SMCO2: variants seen among roughly 807,000 people sequenced by gnomAD.
SMCO2 encodes the protein single-pass membrane and coiled-coil domain-containing protein 2.
In SMCO2, 25 loss-of-function variants were observed where a neutral mutation model predicts 29.5. The observed-to-expected ratio is 0.85, with a 90% CI of 0.62 to 1.18. SMCO2 has a LOEUF of 1.18. Ranked by LOEUF, SMCO2 falls within the 50% of genes most tolerant of loss-of-function variation. SMCO2 has a pLI of 0.00. For missense variants in SMCO2, 348 were observed against 344.5 expected (o/e 1.01, Z -0.08); for synonymous variants, 117 against 123.3 (o/e 0.95, Z 0.34).
intron 1 of SMCO2, among the ~76,000 whole-genome samples, chr12:27,467,787 T>C (rs1005089394): frequency 1.3e-5 from 2 of 152,170 alleles, no homozygotes; most frequent in Non-Finnish European, 2.9e-5. Context: ...TGTGTTCCAG[T>C]TTCTTCCTCT....
upstream of SMCO2, among the ~76,000 whole-genome samples, chr12:27,462,568 T>C (rs1949466880): frequency 6.6e-6 from 1 of 152,198 alleles, no homozygotes; most frequent in South Asian, 2.1e-4. Context: ...ATAAAGCCAC[T>C]GCATACCTAC....
chr12:27,491,987 G>T (rs558746827), intron 5 of SMCO2, among the ~76,000 whole-genome samples: 7 of 152,186 alleles, frequency 4.6e-5, no homozygotes, highest in Admixed American at 6.5e-5. Context: ...GGGATGACAG[G>T]CATGAGCCAC....
At chr12:27,501,111 C>G (rs2135585048) in intron 7 of SMCO2, among the ~76,000 whole-genome samples, 1 of 150,556 alleles carries the variant, frequency 6.6e-6, no homozygotes, top group South Asian at 2.1e-4. Context: ...GATGGGTCCT[C>G]AAGGATTTAA....
intron 4 of SMCO2, among the ~76,000 whole-genome samples, chr12:27,482,613 A>G (rs1565678560): frequency 1.3e-5 from 2 of 152,230 alleles, no homozygotes; most frequent in Non-Finnish European, 2.9e-5. Context: ...CCCATGGATT[A>G]TTTAAAGTAT....
chr12:27,479,415 G>A (rs981047696), intron 4 of SMCO2, among the ~76,000 whole-genome samples: 1 of 152,202 alleles, frequency 6.6e-6, no homozygotes, highest in African/African-American at 2.4e-5. Flanking sequence ...GTGTGCAGCT[G>A]CAAGGCAGCC....
intron 6 of SMCO2, among the ~76,000 whole-genome samples, chr12:27,494,658 C>T (rs1378931475): frequency 1.3e-5 from 2 of 152,064 alleles, no homozygotes; most frequent in East Asian, 3.9e-4. Context: ...CCTCCCCTTG[C>T]CCTGCACCCC....
chr12:27,430,424 C>T, the SMCO2 span, among the ~76,000 whole-genome samples: 1 of 152,080 alleles, frequency 6.6e-6, no homozygotes, highest in Non-Finnish European at 1.5e-5. Flanking sequence ...CTTTTTCTGA[C>T]TTTAACATTT....
At chr12:27,483,438 G>A (rs944070847) in intron 4 of SMCO2, among the ~76,000 whole-genome samples, 2 of 149,770 alleles carry the variant, frequency 1.3e-5, no homozygotes, top group Non-Finnish European at 3.0e-5. Context: ...TTTCTTTTTC[G>A]AGACAGTCTT....
the SMCO2 span, among the ~76,000 whole-genome samples, chr12:27,436,723 C>T: frequency 2.6e-5 from 4 of 152,292 alleles, no homozygotes; most frequent in East Asian, 1.9e-4. Context: ...AGGAAAGCTC[C>T]GTCCACTGAC....
chr12:27,431,952 G>A, the SMCO2 span, among the ~76,000 whole-genome samples: 1 of 151,990 alleles, frequency 6.6e-6, no homozygotes, highest in Non-Finnish European at 1.5e-5. Context: ...CTATTATTCT[G>A]TTTATTGGAT....
chr12:27,494,750 T>G (rs1337703741), intron 6 of SMCO2, among the ~76,000 whole-genome samples: 1 of 152,028 alleles, frequency 6.6e-6, no homozygotes, highest in Non-Finnish European at 1.5e-5. Flanking sequence ...AGTGTGAACA[T>G]GCAGTGTTTG....
intron 7 of SMCO2, among the ~76,000 whole-genome samples, chr12:27,496,390 A>T (rs12423935): frequency 3.3e-5 from 5 of 150,462 alleles, no homozygotes; most frequent in Non-Finnish European, 5.9e-5. Flanking sequence ...ATATCTATAG[A>T]TGTATCTATA....
At position 27,476,405 on chromosome 12, in the gene SMCO2, G is replaced by A. The variant is rs192127037; in HGVS notation, c.362+1492G>A. On this transcript the variant is annotated intron_variant, in intron 4 of 7. Coordinates refer to ENST00000298876, the Ensembl canonical transcript of SMCO2. Reference sequence around the variant, plus strand: ...GTCCAAAGTGCAGTTTAAATCCAATGTTCCTTTGTTAATTTTTTGCCTAGA... The same window carrying A: ...GTCCAAAGTGCAGTTTAAATCCAATATTCCTTTGTTAATTTTTTGCCTAGA... Among the ~76,000 whole-genome samples, 322 of 152,244 alleles carry A rather than the reference G, an allele frequency of 2.1e-3. 1 individual carries two copies. Among genetic ancestry groups the A allele is most frequent in the African/African-American group, 7.2e-3 (301 of 41,550 alleles).
intron 5 of SMCO2, chr12:27,493,688 T>C (rs776413034): frequency 2.6e-5 from 4 of 152,230 alleles, no homozygotes; most frequent in Non-Finnish European, 4.4e-5. Context: ...CATTCTTTAC[T>C]TGTGACACGT....
chr12:27,456,499 G>T, the SMCO2 span, among the ~76,000 whole-genome samples: 116 of 152,266 alleles, frequency 7.6e-4, 1 homozygote, highest in African/African-American at 2.6e-3. Context: ...GCCCAGGCTG[G>T]AATCAAACTC....
upstream of SMCO2, among the ~76,000 whole-genome samples, chr12:27,465,028 C>CAAAAAAA (rs35630976): frequency 5.0e-5 from 3 of 60,554 alleles, no homozygotes; most frequent in Non-Finnish European, 6.7e-5. Context: ...GACCCTGTCT[C>CAAAAAAA]AAAAAAAAAA....
At chr12:27,463,730 GCAAA>G (rs962743999), upstream of SMCO2, among the ~76,000 whole-genome samples, 5 of 152,220 alleles carry the variant, frequency 3.3e-5, no homozygotes, top group East Asian at 1.9e-4. Flanking sequence ...ATGAAAATAA[GCAAA>G]CAAACAAACC....
chr12:27,499,218 A>G (rs1943048776), intron 7 of SMCO2, among the ~76,000 whole-genome samples: 1 of 150,870 alleles, frequency 6.6e-6, no homozygotes, highest in South Asian at 2.1e-4. Flanking sequence ...GGAAAAACAA[A>G]ATGCAGTGTA....
chr12:27,476,568 T>C (rs1200311189), intron 4 of SMCO2, among the ~76,000 whole-genome samples: 1 of 152,186 alleles, frequency 6.6e-6, no homozygotes, highest in Admixed American at 6.5e-5. Context: ...ATATTTAGAA[T>C]TGTTATATCC....
Sources: allele counts gnomAD v4.1 joint callset (sites outside exome capture counted in the v4.1 genomes callset), GRCh38; gene constraint gnomAD v4.1.1; transcripts MANE v1.5; gene names NCBI Gene and HGNC (gene_info 2026-07-23, HGNC 2026-07-21).